The following MAP2 variants were observed in gnomAD, a reference collection of about 807,000 sequenced individuals.
The protein encoded by MAP2 is microtubule-associated protein 2.
In MAP2, 14 loss-of-function variants were observed where a neutral mutation model predicts 137.6. The ratio of observed to expected loss-of-function variants is 0.10; its 90% CI spans 0.07 to 0.16. The LOEUF is 0.16. Ranked by LOEUF, MAP2 falls within the 10% of genes least tolerant of loss-of-function variation. The pLI is 1.00. For synonymous variants in MAP2, 786 were observed against 782.3 expected (o/e 1.00, Z -0.08); for missense variants, 2,088 against 2,191.5 (o/e 0.95, Z 0.94).
rs765250506 is a variant in MAP2, at chr2:209,696,676, T to A, written c.4315T>A (p.Ser1439Thr). The change falls in exon 9 of 16, where the codon TCC (serine) becomes ACC (threonine). Residue 1439 changes from serine to threonine, a missense_variant. Transcript: ENST00000682079. ...TTTTAAAACCGGGAGAGGCAGAATT[T>A]CCACTCCTGAAAGAAAAGTAGCTAA... ...KPFKTGRGRI[S>T]TPERKVAKKE... 6.2e-7 allele frequency: 1 copy of A among 1,613,958 alleles called. No homozygotes were observed. The highest frequency in any genetic ancestry group is 1.7e-5 in the Admixed American group (1 of 60,008).
intron 3 of MAP2, among the ~76,000 whole-genome samples, chr2:209,608,444 A>C: frequency 6.6e-6 from 1 of 152,020 alleles, no homozygotes; most frequent in East Asian, 1.9e-4. Context: ...GTGCCACCAC[A>C]CCTGGCTAAT....
chr2:209,589,891 G>A (rs1389124194), intron 3 of MAP2, among the ~76,000 whole-genome samples: 1 of 152,114 alleles, frequency 6.6e-6, no homozygotes, highest in African/African-American at 2.4e-5. Flanking sequence ...CTGTTGTTAG[G>A]ATAATTAAAA....
chr2:209,558,582 C>T (rs1479830089), intron 2 of MAP2, among the ~76,000 whole-genome samples: 1 of 151,276 alleles, frequency 6.6e-6, no homozygotes, highest in Non-Finnish European at 1.5e-5. Context: ...CTCATTACTA[C>T]AATACTGTTA....
At chr2:209,554,276 G>A (rs1480499226) in intron 2 of MAP2, among the ~76,000 whole-genome samples, 1 of 152,130 alleles carries the variant, frequency 6.6e-6, no homozygotes, top group East Asian at 1.9e-4. Flanking sequence ...GCAGCTAGGT[G>A]GTCTCCAGAA....
Position 209,636,638 on chromosome 2 carries a change from A to C in MAP2, c.-30+11509A>C, listed in dbSNP as rs372304198. ...AATATAACAGCGTAATACATTGCAT[A>C]TGCACACTGATATATAATATCCATA... On this transcript the variant is annotated intron_variant, in intron 4 of 15. Coordinates refer to ENST00000682079, the MANE Select transcript of MAP2 (RefSeq NM_001375505.1). 2.0e-4 allele frequency among the ~76,000 whole-genome samples: 30 copies of C among 152,038 alleles called. No homozygotes were observed. The East Asian group carries it at 4.4e-3, about 22-fold the overall frequency.
At chr2:209,654,417 A>G (rs1489674800) in intron 5 of MAP2, among the ~76,000 whole-genome samples, 2 of 152,264 alleles carry the variant, frequency 1.3e-5, no homozygotes, top group African/African-American at 2.4e-5. Flanking sequence ...CCACAGGCAC[A>G]TACATTCAAT....
At chr2:209,523,522 G>C (rs542099868) in intron 2 of MAP2, among the ~76,000 whole-genome samples, 1 of 152,178 alleles carries the variant, frequency 6.6e-6, no homozygotes, top group East Asian at 1.9e-4. Flanking sequence ...TCTGCATGCT[G>C]GAGGCTGGAC....
chr2:209,424,815 G>A (rs1692092660), intron 1 of MAP2, among the ~76,000 whole-genome samples: 1 of 152,138 alleles, frequency 6.6e-6, no homozygotes, highest in South Asian at 2.1e-4. Flanking sequence ...ATAATTGTAG[G>A]AAAATGAAAA....
chr2:209,629,557 C>T (rs2047797634), intron 4 of MAP2, among the ~76,000 whole-genome samples: 1 of 152,206 alleles, frequency 6.6e-6, no homozygotes, highest in South Asian at 2.1e-4. Context: ...GCATTCAACT[C>T]CGCTCCGTGG....
At chr2:209,677,831 C>A (rs2052640153) in intron 5 of MAP2, among the ~76,000 whole-genome samples, 1 of 151,872 alleles carries the variant, frequency 6.6e-6, no homozygotes, top group Non-Finnish European at 1.5e-5. Context: ...TATCAACTCT[C>A]TAGAAAAATA....
chr2:209,541,662 C>T (rs2067068034), intron 2 of MAP2, among the ~76,000 whole-genome samples: 1 of 152,202 alleles, frequency 6.6e-6, no homozygotes. Context: ...ATGTTCATAG[C>T]ATCTTTACCA....
chr2:209,653,714 C>T (rs1208951010), intron 5 of MAP2, among the ~76,000 whole-genome samples: 1 of 152,136 alleles, frequency 6.6e-6, no homozygotes, highest in East Asian at 1.9e-4. Context: ...AGCATTTTAA[C>T]TCATTGAAAG....
Position 209,692,838 on chromosome 2 carries a change from T to C in MAP2, c.668T>C (p.Leu223Pro), listed in dbSNP as rs1022571526. The change falls in exon 8 of 16, where the codon CTA becomes CCA. Residue 223 changes from leucine to proline, a missense_variant. Transcript: ENST00000682079. ...MQGTEEEKAP[L>P]ALFGHTLVAS... ...GGCACGGAAGAAGAAAAAGCACCCC[T>C]AGCTTTGTTTGGGCACACTCTTGTT... 6.2e-7 allele frequency: 1 copy of C among 1,613,112 alleles called. No individual in the cohort carries two copies. The highest frequency in any genetic ancestry group is 8.5e-7 in the Non-Finnish European group (1 of 1,179,728).
At position 209,693,583 on chromosome 2, in the gene MAP2, C is replaced by T; in HGVS notation, c.1413C>T (p.Gly471=). ...KPPKPADEEI[G]IIQTSTEHTF... Reference sequence around the variant, plus strand: ...CAAAACCTGCAGATGAAGAAATAGGCATAATTCAGACCTCCACAGAGCACA... The same window carrying T: ...CAAAACCTGCAGATGAAGAAATAGGTATAATTCAGACCTCCACAGAGCACA... Residue 471 remains glycine, a synonymous_variant, in exon 8 of 16, where the codon GGC becomes GGT. Coordinates refer to ENST00000682079, the MANE Select transcript of MAP2 (RefSeq NM_001375505.1). 6.2e-7 allele frequency: 1 copy of T among 1,613,672 alleles called. No homozygotes were observed. The highest frequency in any genetic ancestry group is 8.5e-7 in the Non-Finnish European group (1 of 1,179,946).
intron 7 of MAP2, among the ~76,000 whole-genome samples, chr2:209,687,998 C>T (rs1469463316): frequency 6.6e-6 from 1 of 152,124 alleles, no homozygotes; most frequent in East Asian, 1.9e-4. Flanking sequence ...TCCTCCGCCC[C>T]GGCCTACAGC....
chr2:209,579,276 TGCGTGC>T (rs758677324), intron 2 of MAP2: 7,464 of 96,578 alleles, frequency 0.077, 232 homozygotes, highest in Admixed American at 0.12. Flanking sequence ...TGTGCGTGCG[TGCGTGC>T]GTGTGTGTGT....
At chr2:209,501,698 G>A (rs545482984) in intron 1 of MAP2, among the ~76,000 whole-genome samples, 1 of 152,206 alleles carries the variant, frequency 6.6e-6, no homozygotes, top group South Asian at 2.1e-4. Flanking sequence ...TGTTTGAAAT[G>A]GCAGATGTTC....
At chr2:209,604,313 C>G (rs2083935109) in intron 3 of MAP2, among the ~76,000 whole-genome samples, 1 of 152,162 alleles carries the variant, frequency 6.6e-6, no homozygotes. Context: ...TTAATCTGCA[C>G]TAATCCAGAT....
intron 4 of MAP2, among the ~76,000 whole-genome samples, chr2:209,630,949 C>G (rs35534715): frequency 2.9e-5 from 4 of 136,798 alleles, no homozygotes; most frequent in Non-Finnish European, 6.1e-5. Flanking sequence ...TATTCAAGCT[C>G]TCCTTGTCCC....
Sources: gnomAD v4.1 joint callset for allele counts (sites outside exome capture counted in the v4.1 genomes callset) on GRCh38, gnomAD v4.1.1 for gene constraint, MANE v1.5 for transcripts, NCBI Gene and HGNC (gene_info 2026-07-23, HGNC 2026-07-21) for gene names.